The following SLC37A3 variants were observed in gnomAD, a reference collection of about 807,000 sequenced individuals.
SLC37A3 encodes the protein solute carrier family 37 member 3.
SLC37A3 carries 51 observed loss-of-function variants against 67.1 expected under a neutral mutation model. The ratio of observed to expected loss-of-function variants is 0.76; its 90% CI spans 0.61 to 0.96. The LOEUF (loss-of-function observed/expected upper bound fraction) is 0.96, where lower values mean the gene tolerates loss of function less well. Among genes scored for constraint, SLC37A3 ranks in the 40% least tolerant of loss-of-function variants. SLC37A3 has a pLI of 0.00. For synonymous variants in SLC37A3, 214 were observed against 231.4 expected, an observed-to-expected ratio of 0.92 and a Z score of 0.68; for missense variants, 508 against 603.0, an observed-to-expected ratio of 0.84 and a Z score of 1.65.
intron 4 of SLC37A3, among the ~76,000 whole-genome samples, chr7:140,366,544 C>T (rs1047451401): frequency 6.6e-6 from 1 of 152,046 alleles, no homozygotes; most frequent in Admixed American, 6.6e-5. Context: ...AAATCTAGTC[C>T]TATAGATGAC....
Position 140,334,099 on chromosome 7 carries a change from G to A in SLC37A3, c.*1313C>T, listed in dbSNP as rs958741571. Reference sequence around the variant, plus strand: ...AAGAACGGACACCCCTCAGGCCCTAGTAATCCATTCATGTGATTCAATGTC... The same window carrying A: ...AAGAACGGACACCCCTCAGGCCCTAATAATCCATTCATGTGATTCAATGTC... On this transcript the variant is annotated 3_prime_UTR_variant, in exon 15 of 15. Coordinates refer to ENST00000326232, the MANE Select transcript of SLC37A3 (RefSeq NM_207113.3). 14 of 152,096 alleles carry A rather than the reference G, an allele frequency of 9.2e-5. No individual in the cohort carries two copies. Among genetic ancestry groups the A allele is most frequent in the Non-Finnish European group, 1.6e-4 (11 of 68,014 alleles). The allele number at this position is 152,096 out of a possible 1,614,324, so 9.4% of individuals were successfully genotyped here. A position where few individuals can be genotyped will look rare whatever the true frequency, so the allele number is the denominator to read the frequency against.
At chr7:140,382,377 A>G (rs1798292529) in intron 2 of SLC37A3, 61 bp downstream of exon 2, 1 of 1,402,606 alleles carries the variant, frequency 7.1e-7, no homozygotes, top group South Asian at 1.2e-5. Flanking sequence ...CTTGCCATGC[A>G]ATATCTCCCT....
chr7:140,396,883 T>C (rs74749837), intron 1 of SLC37A3, among the ~76,000 whole-genome samples: 1 of 62,662 alleles, frequency 1.6e-5, no homozygotes, highest in Non-Finnish European at 3.2e-5. Context: ...TCAATTTCTG[T>C]TTTTTTTTTT....
intron 5 of SLC37A3, among the ~76,000 whole-genome samples, chr7:140,360,732 T>TAAAAAA (rs10631882): frequency 2.9e-5 from 4 of 137,324 alleles, no homozygotes; most frequent in Admixed American, 7.4e-5. Flanking sequence ...AGACTCCGTT[T>TAAAAAA]AAAAAAAAAA....
Position 140,335,245 on chromosome 7 carries a change from T to G in SLC37A3, c.*167A>C, listed in dbSNP as rs748338680. The G allele has an allele frequency of 6.2e-7, 1 of 1,613,730 alleles. No individual in the cohort carries two copies. The highest frequency in any genetic ancestry group is 8.5e-7 in the Non-Finnish European group (1 of 1,179,708). ...TAATTCCTGTAGTGTAGAAAACTAGTGCAGCCTTCACTGCTGGTCAGCATC... is the reference window on the plus strand; with the variant it reads ...TAATTCCTGTAGTGTAGAAAACTAGGGCAGCCTTCACTGCTGGTCAGCATC... On this transcript the variant is annotated 3_prime_UTR_variant, in exon 15 of 15. Coordinates refer to ENST00000326232, the MANE Select transcript of SLC37A3 (RefSeq NM_207113.3).
intron 1 of SLC37A3, among the ~76,000 whole-genome samples, chr7:140,387,472 G>A (rs552080728): frequency 7.3e-5 from 11 of 150,192 alleles, no homozygotes; most frequent in African/African-American, 1.2e-4. Flanking sequence ...AAAATTAGCC[G>A]GGCGTGGTGA....
chr7:140,343,623 A>G, intron 12 of SLC37A3, 60 bp from the exon 13 acceptor site: 2 of 1,522,700 alleles, frequency 1.3e-6, no homozygotes, highest in South Asian at 2.3e-5. Flanking sequence ...AATCTACTGC[A>G]TAAGGCAAAA....
intron 1 of SLC37A3, among the ~76,000 whole-genome samples, chr7:140,391,420 C>T (rs980751615): frequency 3.9e-5 from 6 of 152,088 alleles, no homozygotes; most frequent in Admixed American, 6.6e-5. Flanking sequence ...CCGGTTGTGG[C>T]GGCGTGTGCC....
At chr7:140,364,922 C>A (rs1476178443) in intron 4 of SLC37A3, among the ~76,000 whole-genome samples, 1 of 152,222 alleles carries the variant, frequency 6.6e-6, no homozygotes, top group African/African-American at 2.4e-5. Flanking sequence ...GATAAGCTAT[C>A]CCAAAGGGAT....
chr7:140,373,891 A>T (rs2129696008), intron 3 of SLC37A3, among the ~76,000 whole-genome samples: 1 of 152,256 alleles, frequency 6.6e-6, no homozygotes, highest in East Asian at 1.9e-4. Flanking sequence ...ACACGAAGTG[A>T]TGTGCAAAAA....
chr7:140,369,377 G>A (rs1044151049), intron 4 of SLC37A3, among the ~76,000 whole-genome samples: 3 of 152,070 alleles, frequency 2.0e-5, no homozygotes, highest in African/African-American at 7.2e-5. Flanking sequence ...TGTGTTGTTC[G>A]GGATAAATTC....
intron 1 of SLC37A3, among the ~76,000 whole-genome samples, chr7:140,387,987 C>T: frequency 7.1e-6 from 1 of 141,480 alleles, no homozygotes; most frequent in Admixed American, 8.0e-5. Flanking sequence ...GAGTGAGGGC[C>T]TGTCTCAAAA....
chr7:140,340,051 T>G (rs889173395), intron 13 of SLC37A3, among the ~76,000 whole-genome samples: 1 of 152,208 alleles, frequency 6.6e-6, no homozygotes, highest in Non-Finnish European at 1.5e-5. Context: ...TCCTGTTTTT[T>G]AATTACAGCC....
chr7:140,353,421 G>A (rs1220893092), intron 7 of SLC37A3, among the ~76,000 whole-genome samples: 1 of 151,508 alleles, frequency 6.6e-6, no homozygotes, highest in African/African-American at 2.4e-5. Flanking sequence ...AGGTTGCGGT[G>A]AGCTGAGATC....
At chr7:140,387,816 A>T (rs1483754676) in intron 1 of SLC37A3, among the ~76,000 whole-genome samples, 1 of 106,414 alleles carries the variant, frequency 9.4e-6, no homozygotes, top group East Asian at 2.2e-4. Flanking sequence ...CATAAATATA[A>T]ATATATTATA....
chr7:140,373,196 C>T (rs1010426247), intron 3 of SLC37A3, among the ~76,000 whole-genome samples: 4 of 152,002 alleles, frequency 2.6e-5, no homozygotes, highest in African/African-American at 9.7e-5. Flanking sequence ...TGATCTGCCC[C>T]ACCCCCTCCT....
At chr7:140,341,517 T>C (rs1010811033) in intron 13 of SLC37A3, among the ~76,000 whole-genome samples, 1 of 152,122 alleles carries the variant, frequency 6.6e-6, no homozygotes, top group African/African-American at 2.4e-5. Flanking sequence ...GGTAAATTAG[T>C]ACACTGGCTA....
chr7:140,346,099 G>A (rs957318018), intron 10 of SLC37A3, 129 bp from the exon 11 acceptor site: 2 of 676,398 alleles, frequency 3.0e-6, no homozygotes, highest in African/African-American at 3.6e-5. Context: ...ATATGGCTGG[G>A]CCGGGCTCGG....
chr7:140,385,775 CTTCT>C (rs768574232), intron 1 of SLC37A3, among the ~76,000 whole-genome samples: 13 of 151,992 alleles, frequency 8.6e-5, no homozygotes, highest in African/African-American at 1.4e-4. Context: ...GCTTTATTTT[CTTCT>C]TTCTTTTATT....
Sources: gnomAD v4.1 joint callset for allele counts (sites outside exome capture counted in the v4.1 genomes callset) on GRCh38, gnomAD v4.1.1 for gene constraint, MANE v1.5 for transcripts, NCBI Gene and HGNC (gene_info 2026-07-23, HGNC 2026-07-21) for gene names.